SOCS2: variants seen among roughly 807,000 people sequenced by gnomAD.
The protein encoded by SOCS2 is suppressor of cytokine signaling 2, also known as CIS-2.
Under a neutral mutation model 18.6 loss-of-function variants are expected in SOCS2, and 10 were observed. The observed-to-expected ratio is 0.54, with a 90% CI of 0.33 to 0.91. The LOEUF is 0.91. SOCS2 is among the 40% of genes least tolerant of loss of function. The pLI is 0.02. For missense variants in SOCS2, 231 were observed against 247.2 expected (o/e 0.93, Z 0.44); for synonymous variants, 104 against 104.0 (o/e 1.00, Z 0.00).
At chr12:93,614,494 T>TC in the SOCS2 span, among the ~76,000 whole-genome samples, 1 of 41,638 alleles carries the variant, frequency 2.4e-5, no homozygotes, top group African/African-American at 1.3e-4. Context: ...CTTCCTTCCT[T>TC]CCTTCCTTCC....
At chr12:93,622,100 T>C in the SOCS2 span, among the ~76,000 whole-genome samples, 4 of 152,220 alleles carry the variant, frequency 2.6e-5, no homozygotes, top group Non-Finnish European at 5.9e-5. Flanking sequence ...TTTTCTTTAG[T>C]TTGAGCCAAC....
chr12:93,581,555 G>A (rs185842146), downstream of SOCS2, among the ~76,000 whole-genome samples: 2 of 152,184 alleles, frequency 1.3e-5, no homozygotes, highest in African/African-American at 2.4e-5. Context: ...TTAGTAGGAA[G>A]GTGTTAGGCA....
the SOCS2 span, among the ~76,000 whole-genome samples, chr12:93,610,222 A>C: frequency 3.3e-5 from 5 of 152,210 alleles, no homozygotes; most frequent in Non-Finnish European, 7.4e-5. Context: ...CATAAGAATC[A>C]TGTGGAGCTA....
At chr12:93,571,915 G>A (rs1954270035), upstream of SOCS2, 3 of 430,170 alleles carry the variant, frequency 7.0e-6, no homozygotes, top group South Asian at 4.8e-5. Flanking sequence ...CGAGGTCGAG[G>A]TAAGAGCGCG....
chr12:93,618,857 G>A, the SOCS2 span, among the ~76,000 whole-genome samples: 11 of 152,158 alleles, frequency 7.2e-5, no homozygotes, highest in African/African-American at 2.7e-4. Flanking sequence ...TATCAGTCAG[G>A]GTACCAGCAA....
At chr12:93,612,017 T>C in the SOCS2 span, among the ~76,000 whole-genome samples, 1 of 152,204 alleles carries the variant, frequency 6.6e-6, no homozygotes, top group Admixed American at 6.5e-5. Context: ...TCAGGCCTTG[T>C]CATTTCTGGG....
the SOCS2 span, among the ~76,000 whole-genome samples, chr12:93,589,433 C>T: frequency 1.3e-5 from 2 of 152,114 alleles, no homozygotes; most frequent in African/African-American, 4.8e-5. Context: ...AATCCATATG[C>T]TTGGGCTTCC....
the SOCS2 span, among the ~76,000 whole-genome samples, chr12:93,592,600 A>G: frequency 6.6e-6 from 1 of 152,228 alleles, no homozygotes; most frequent in Middle Eastern, 3.2e-3. Context: ...GTTCCCATGC[A>G]TATTTCAGAT....
the SOCS2 span, among the ~76,000 whole-genome samples, chr12:93,614,732 C>T: frequency 6.6e-6 from 1 of 150,498 alleles, no homozygotes; most frequent in Non-Finnish European, 1.5e-5. Flanking sequence ...TCTCCTGCCT[C>T]AGACCCCGAG....
the SOCS2 span, among the ~76,000 whole-genome samples, chr12:93,611,899 T>C: frequency 1.3e-5 from 2 of 152,150 alleles, no homozygotes; most frequent in Non-Finnish European, 2.9e-5. Flanking sequence ...GAGGCCTCCG[T>C]TGGTTTGCTT....
chr12:93,591,587 G>T, the SOCS2 span, among the ~76,000 whole-genome samples: 2 of 152,356 alleles, frequency 1.3e-5, no homozygotes, highest in South Asian at 4.1e-4. Flanking sequence ...GCGCCACGGG[G>T]TGATGCAGCA....
downstream of SOCS2, among the ~76,000 whole-genome samples, chr12:93,580,403 C>T (rs1451359587): frequency 6.6e-6 from 1 of 152,066 alleles, no homozygotes; most frequent in Non-Finnish European, 1.5e-5. Flanking sequence ...GGACGGATCA[C>T]TTGAGGTCAG....
At chr12:93,582,125 T>C (rs574163211) in intron 1 of SOCS2, among the ~76,000 whole-genome samples, 1 of 152,332 alleles carries the variant, frequency 6.6e-6, no homozygotes, top group Admixed American at 6.5e-5. Context: ...TGAGGGTTTA[T>C]GAAGACAAGC....
chr12:93,607,308 A>G, the SOCS2 span, among the ~76,000 whole-genome samples: 2 of 152,168 alleles, frequency 1.3e-5, no homozygotes, highest in African/African-American at 2.4e-5. Context: ...ACATCCTCCA[A>G]CCACTGGCAT....
chr12:93,625,343 G>T, the SOCS2 span, among the ~76,000 whole-genome samples: 1 of 152,232 alleles, frequency 6.6e-6, no homozygotes, highest in African/African-American at 2.4e-5. Context: ...CACTTGTTTT[G>T]TAGTTTTCTA....
At chr12:93,623,845 C>T in the SOCS2 span, among the ~76,000 whole-genome samples, 1 of 152,182 alleles carries the variant, frequency 6.6e-6, no homozygotes, top group African/African-American at 2.4e-5. Context: ...GCTGGGATTA[C>T]AGGCACACAC....
the SOCS2 span, among the ~76,000 whole-genome samples, chr12:93,604,993 C>A: frequency 9.9e-5 from 15 of 151,212 alleles, no homozygotes; most frequent in Non-Finnish European, 2.2e-4. Context: ...TGATTGCTCA[C>A]ATGTATAGGG....
At chr12:93,573,252 C>CGGGAAGAGCTTCTT (rs1954327766) in intron 1 of SOCS2, 1 of 615,574 alleles carries the variant, frequency 1.6e-6, no homozygotes, top group Non-Finnish European at 2.8e-6. Context: ...GCGCAGAGCG[C>CGGGAAGAGCTTCTT]GGGAAGAGCT....
the SOCS2 span, among the ~76,000 whole-genome samples, chr12:93,610,697 A>G: frequency 6.6e-6 from 1 of 152,108 alleles, no homozygotes; most frequent in Non-Finnish European, 1.5e-5. Context: ...CTCTTTTGCC[A>G]TGTGAAGACA....
Sources: allele counts gnomAD v4.1 joint callset (sites outside exome capture counted in the v4.1 genomes callset), GRCh38; gene constraint gnomAD v4.1.1; transcripts MANE v1.5; gene names NCBI Gene and HGNC (gene_info 2026-07-23, HGNC 2026-07-21).